C11orf71: variants seen among roughly 807,000 people sequenced by gnomAD.
C11orf71 encodes uncharacterized protein C11orf71.
For synonymous variants in C11orf71, 72 were observed against 73.4 expected (o/e 0.98, Z 0.09); for missense variants, 179 against 167.6 (o/e 1.07, Z -0.38).
downstream of C11orf71, among the ~76,000 whole-genome samples, chr11:114,393,855 G>C (rs1245311761): frequency 6.6e-6 from 1 of 152,098 alleles, no homozygotes; most frequent in Admixed American, 6.5e-5. Context: ...TTACCTGTTG[G>C]ACCACAAAGT....
At chr11:114,394,227 T>TTTCCTTTCCTTTCCTTTCCTTTC (rs1946101288), downstream of C11orf71, among the ~76,000 whole-genome samples, 16 of 42,326 alleles carry the variant, frequency 3.8e-4, 1 homozygote, top group Admixed American at 5.2e-4. Flanking sequence ...TCTTTTCTTT[T>TTTCCTTTCCTTTCCTTTCCTTTC]CTTTCTTTTC....
downstream of C11orf71, among the ~76,000 whole-genome samples, chr11:114,394,248 T>TTTTCTTTTCTTTTCTTTTCTTTTCTTTTC (rs1946105586): frequency 1.6e-5 from 1 of 62,128 alleles, no homozygotes; most frequent in Non-Finnish European, 2.7e-5. Flanking sequence ...TTTTCTTTTC[T>TTTTCTTTTCTTTTCTTTTCTTTTCTTTTC]TTTCTTTTCT....
downstream of C11orf71, among the ~76,000 whole-genome samples, chr11:114,398,233 C>T (rs1315245118): frequency 1.3e-5 from 2 of 152,094 alleles, no homozygotes. Flanking sequence ...TTTTGTAATG[C>T]CCAGATTAAG....
rs386374967 is a variant in C11orf71, at chr11:114,392,529, C to CAAAA, written c.344-868_344-865dup. Among the ~76,000 whole-genome samples, 294 of 50,384 alleles carry CAAAA rather than the reference C, an allele frequency of 5.8e-3. 1 individual carries two copies. The highest frequency in any genetic ancestry group is 6.9e-3 in the South Asian group (6 of 868). 33.1% of individuals were successfully genotyped at this position (50,384 alleles called of 152,430 possible). A position where few individuals can be genotyped will look rare whatever the true frequency, so the allele number is the denominator to read the frequency against. ...CTCCAGCCTAGGTGATAGAATGAGA[C>CAAAA]AAAAAAAAAAAAAAAAAAAAAGAAG... On this transcript the variant is annotated intron_variant, in intron 1 of 1. Transcript: ENST00000325636.
At chr11:114,397,754 A>G (rs1057499084), downstream of C11orf71, among the ~76,000 whole-genome samples, 8 of 152,180 alleles carry the variant, frequency 5.3e-5, no homozygotes, top group Non-Finnish European at 1.0e-4. Flanking sequence ...CTTCCAATGC[A>G]TATTTAGTGC....
chr11:114,394,241 TCTTTTC>T (rs1946104531), downstream of C11orf71, among the ~76,000 whole-genome samples: 2 of 58,622 alleles, frequency 3.4e-5, no homozygotes, highest in African/African-American at 2.7e-4. Context: ...TCTTTTCTTT[TCTTTTC>T]TTTTCTTTTC....
Position 114,398,687 on chromosome 11 carries a change from T to C in C11orf71, c.*1273A>G, listed in dbSNP as rs1461536010. 6.6e-6 allele frequency: 1 copy of C among 152,208 alleles called. No individual in the cohort carries two copies. Among genetic ancestry groups the C allele is most frequent in the East Asian group, 1.9e-4 (1 of 5,204 alleles). The allele number at this position is 152,208 out of a possible 1,614,324, so 9.4% of individuals were successfully genotyped here. A position where few individuals can be genotyped will look rare whatever the true frequency, so the allele number is the denominator to read the frequency against. On this transcript the variant is annotated 3_prime_UTR_variant, in exon 1 of 1. Coordinates refer to ENST00000623205, the MANE Select transcript of C11orf71 (RefSeq NM_001271562.2). ...AAGGTAGCTATTACTATTCTTTCAA[T>C]CATTCTTCCTATGATCTGGTTTCTA... is the stretch of plus-strand genomic sequence containing the variant.
intron 1 of C11orf71, among the ~76,000 whole-genome samples, chr11:114,393,337 A>G (rs1416185328): frequency 6.6e-6 from 1 of 152,264 alleles, no homozygotes; most frequent in African/African-American, 2.4e-5. Context: ...AGACCTGGAC[A>G]TAAGTGCAAA....
At chr11:114,396,563 T>C (rs1946132828), downstream of C11orf71, among the ~76,000 whole-genome samples, 1 of 152,198 alleles carries the variant, frequency 6.6e-6, no homozygotes, top group African/African-American at 2.4e-5. Context: ...CAGGTAAATA[T>C]AGTCCAGGTG....
downstream of C11orf71, among the ~76,000 whole-genome samples, chr11:114,395,347 C>G (rs553186579): frequency 6.6e-6 from 1 of 152,154 alleles, no homozygotes; most frequent in African/African-American, 2.4e-5. Context: ...AAAAGTTTAA[C>G]CAACAGAAAA....
intron 1 of C11orf71, among the ~76,000 whole-genome samples, chr11:114,392,518 A>G (rs1211432173): frequency 1.6e-5 from 2 of 123,614 alleles, no homozygotes; most frequent in Non-Finnish European, 3.4e-5. Flanking sequence ...AGCCTAGGTG[A>G]TAGAATGAGA....
chr11:114,400,077 G>C lies in C11orf71; in HGVS notation c.255C>G (p.Arg85=). The change falls in exon 1 of 1, where the codon CGC becomes CGG. Residue 85 remains arginine, a synonymous_variant. Coordinates refer to ENST00000623205, the MANE Select transcript of C11orf71 (RefSeq NM_001271562.2). ...TTGGGTAAGGTGAGAATCTGGCTTG[G>C]CGGCTCCGGCCCCGGCCATCTGGTT... is the stretch of plus-strand genomic sequence containing the variant. The part of the protein sequence containing the change: ...PREPDGRGRS[R]QARFSPYPIP... The C allele has an allele frequency of 6.2e-7, 1 of 1,613,954 alleles. No homozygotes were observed. Among genetic ancestry groups the C allele is most frequent in the Non-Finnish European group, 8.5e-7 (1 of 1,179,894 alleles).
At chr11:114,396,535 G>A (rs544814436), downstream of C11orf71, among the ~76,000 whole-genome samples, 4 of 152,314 alleles carry the variant, frequency 2.6e-5, no homozygotes, top group Non-Finnish European at 4.4e-5. Flanking sequence ...CAGAGGCAAA[G>A]AAAACAGGCT....
rs768641702 is a variant in C11orf71, at chr11:114,399,982, A to G, written c.350T>C (p.Ile117Thr). 3.7e-6 allele frequency: 6 copies of G among 1,602,432 alleles called. No homozygotes were observed. Among genetic ancestry groups the G allele is most frequent in the Non-Finnish European group, 5.1e-6 (6 of 1,170,612 alleles). The stretch of plus-strand genomic sequence containing the variant: ...CGTTTAAACTGAAATTCGAGCTGCG[A>G]TAACACCTCCTAATGCAATCAAACG... Reference protein sequence around the residue: ...QQRLIALGGVIAARISV With the variant: ...QQRLIALGGVTAARISV Residue 117 changes from isoleucine (I) to threonine (T), a missense_variant, in exon 1 of 1, where the codon ATC becomes ACC. Ile to Thr is a moderately conservative substitution (Grantham distance 89). Transcript: ENST00000623205.
chr11:114,395,404 C>G (rs1418471767), downstream of C11orf71, among the ~76,000 whole-genome samples: 1 of 152,188 alleles, frequency 6.6e-6, no homozygotes, highest in African/African-American at 2.4e-5. Flanking sequence ...ATGCAGAGAA[C>G]AGCAACCACC....
At chr11:114,395,627 T>A (rs551431941), downstream of C11orf71, among the ~76,000 whole-genome samples, 2 of 152,354 alleles carry the variant, frequency 1.3e-5, no homozygotes, top group Admixed American at 1.3e-4. Flanking sequence ...AGGAGCCAAG[T>A]AAACTGTTAC....
chr11:114,391,605 G>A (rs1411708632), exon 2 of C11orf71: 1 of 1,539,996 alleles, frequency 6.5e-7, no homozygotes, highest in African/African-American at 1.4e-5. Flanking sequence ...ATGGCTGCAT[G>A]TTGAACACCA....
chr11:114,395,963 C>A (rs1004613775), downstream of C11orf71, among the ~76,000 whole-genome samples: 1 of 152,132 alleles, frequency 6.6e-6, no homozygotes. Context: ...GTGGTGTGAT[C>A]GTAGCTCACT....
At chr11:114,392,708 G>A (rs186068197) in intron 1 of C11orf71, among the ~76,000 whole-genome samples, 17 of 145,974 alleles carry the variant, frequency 1.2e-4, no homozygotes, top group Admixed American at 9.9e-4. Context: ...CCCAGAGCCT[G>A]AGCAATAGAG....
Sources: allele counts gnomAD v4.1 joint callset (sites outside exome capture counted in the v4.1 genomes callset), GRCh38; gene constraint gnomAD v4.1.1; transcripts MANE v1.5; gene names NCBI Gene and HGNC (gene_info 2026-07-23, HGNC 2026-07-21).